The following HDAC4 variants were observed in gnomAD, a reference collection of about 807,000 sequenced individuals.
HDAC4 encodes the protein histone deacetylase A.
Under a neutral mutation model 135.1 loss-of-function variants are expected in HDAC4, and 16 were observed. The observed-to-expected ratio is 0.12, with a 90% CI of 0.08 to 0.18. The LOEUF (loss-of-function observed/expected upper bound fraction) is 0.18, where lower values mean the gene tolerates loss of function less well. Ranked by LOEUF, HDAC4 falls within the 10% of genes least tolerant of loss-of-function variation. The pLI is 1.00. For synonymous variants in HDAC4, 685 were observed against 653.4 expected (o/e 1.05, Z -0.74); for missense variants, 1,143 against 1,511.8 (o/e 0.76, Z 4.05).
intron 2 of HDAC4, among the ~76,000 whole-genome samples, chr2:239,275,765 A>T (rs527737497): frequency 2.0e-5 from 3 of 152,242 alleles, no homozygotes; most frequent in South Asian, 4.1e-4. Context: ...TGATGCAAGA[A>T]GGCAAGATAG....
intron 16 of HDAC4, among the ~76,000 whole-genome samples, chr2:239,096,828 G>A (rs553451858): frequency 6.8e-6 from 1 of 146,158 alleles, no homozygotes; most frequent in Non-Finnish European, 1.5e-5. Context: ...GCACAGAGCT[G>A]ACTCAGGCTC....
At chr2:239,057,179 T>C (rs2031984177) in intron 24 of HDAC4, among the ~76,000 whole-genome samples, 1 of 152,186 alleles carries the variant, frequency 6.6e-6, no homozygotes, top group Non-Finnish European at 1.5e-5. Flanking sequence ...AGGGGGGATA[T>C]GAGGAACTTG....
intron 1 of HDAC4, among the ~76,000 whole-genome samples, chr2:239,394,922 G>A (rs1281106556): frequency 1.3e-5 from 2 of 152,254 alleles, no homozygotes; most frequent in African/African-American, 2.4e-5. Flanking sequence ...AGTAGAAAAG[G>A]TGGCATTAAA....
intron 15 of HDAC4, among the ~76,000 whole-genome samples, chr2:239,104,980 C>T (rs2037990147): frequency 1.3e-5 from 2 of 152,364 alleles, no homozygotes; most frequent in South Asian, 2.1e-4. Flanking sequence ...TGCGCGACAC[C>T]GCAAGGGCTC....
At chr2:239,127,228 T>C (rs2040253513) in intron 11 of HDAC4, among the ~76,000 whole-genome samples, 3 of 152,218 alleles carry the variant, frequency 2.0e-5, no homozygotes, top group African/African-American at 7.2e-5. Context: ...TGCACAAAGA[T>C]GGCGTAAACA....
chr2:239,280,614 C>T (rs539430985), intron 2 of HDAC4, among the ~76,000 whole-genome samples: 17 of 152,160 alleles, frequency 1.1e-4, no homozygotes, highest in East Asian at 5.8e-4. Context: ...CCAGGAGGCT[C>T]GGGGGCCTCT....
chr2:239,304,166 C>T (rs1186463764), intron 2 of HDAC4, among the ~76,000 whole-genome samples: 1 of 152,204 alleles, frequency 6.6e-6, no homozygotes, highest in African/African-American at 2.4e-5. Context: ...GCAGGATATT[C>T]ACAAAGCCCA....
rs1204174254 is a variant in HDAC4, at chr2:239,140,815, T to C, written c.866-1019A>G. The C allele has an allele frequency of 1.1e-5, 4 of 362,452 alleles. No homozygotes were observed. In the Admixed American group the frequency reaches 1.3e-4, roughly 12 times the overall value. 22.5% of individuals were successfully genotyped at this position (362,452 alleles called of 1,614,324 possible). ...CCCCAGCAAAGCCTCCTCCACGGTCTGCTTGCTGCCCGCGTCCTCCTGGAG... is the reference window on the plus strand; with the variant it reads ...CCCCAGCAAAGCCTCCTCCACGGTCCGCTTGCTGCCCGCGTCCTCCTGGAG... On this transcript the variant is annotated intron_variant, in intron 8 of 26. Transcript: ENST00000543185.
chr2:239,273,776 G>C lies in HDAC4; in HGVS notation c.23-37112C>G, dbSNP rs550970456. On this transcript the variant is annotated intron_variant, in intron 2 of 26. Coordinates refer to ENST00000543185, the MANE Select transcript of HDAC4 (RefSeq NM_001378414.1). ...GACAAGCCAAGCTCCCCAACAAATA[G>C]ACTGGAGAGCAAGAGGGAGGAAACG... Among the ~76,000 whole-genome samples the C allele has an allele frequency of 1.1e-4, 17 of 152,320 alleles. No homozygotes were observed. In the East Asian group the frequency reaches 2.7e-3, roughly 24 times the overall value.
At chr2:239,056,166 G>A (rs1227602990) in intron 24 of HDAC4, among the ~76,000 whole-genome samples, 1 of 152,212 alleles carries the variant, frequency 6.6e-6, no homozygotes, top group Non-Finnish European at 1.5e-5. Flanking sequence ...ACCCACAGCA[G>A]GCTTCAAATG....
At position 239,264,205 on chromosome 2, in the gene HDAC4, C is replaced by G. The variant is rs184429136; in HGVS notation, c.23-27541G>C. Among the ~76,000 whole-genome samples the G allele has an allele frequency of 3.3e-3, 500 of 152,294 alleles. 3 individuals carry two copies. Among genetic ancestry groups the G allele is most frequent in the African/African-American group, 0.011 (474 of 41,568 alleles). On this transcript the variant is annotated intron_variant, in intron 2 of 26. Coordinates refer to ENST00000543185, the MANE Select transcript of HDAC4 (RefSeq NM_001378414.1). ...CGGAGTTCCTGCCGCTCGGGGACTC[C>G]CAGCAGGCACAGGCTTCACCTCTTT...
chr2:239,148,210 A>G (rs1479083947), intron 7 of HDAC4, among the ~76,000 whole-genome samples: 1 of 152,210 alleles, frequency 6.6e-6, no homozygotes, highest in Non-Finnish European at 1.5e-5. Flanking sequence ...CTAAAGTGAC[A>G]CCAAAGGAAA....
At chr2:239,269,780 C>G (rs112189035) in intron 2 of HDAC4, among the ~76,000 whole-genome samples, 98 of 152,344 alleles carry the variant, frequency 6.4e-4, no homozygotes, top group African/African-American at 2.3e-3. Context: ...CTTAAAGACA[C>G]AGCAAATCTT....
At chr2:239,222,803 TTC>T (rs775679185) in intron 3 of HDAC4, among the ~76,000 whole-genome samples, 12 of 151,804 alleles carry the variant, frequency 7.9e-5, no homozygotes, top group Non-Finnish European at 1.6e-4. Context: ...GTGATCTCCT[TTC>T]GTCCTCACAG....
intron 19 of HDAC4, among the ~76,000 whole-genome samples, chr2:239,084,788 A>G (rs572337103): frequency 1.7e-4 from 24 of 144,298 alleles, no homozygotes; most frequent in Non-Finnish European, 2.9e-4. Context: ...ACACAGACAC[A>G]CACCCCACAC....
At chr2:239,198,761 C>T (rs1559215237) in intron 3 of HDAC4, among the ~76,000 whole-genome samples, 1 of 152,164 alleles carries the variant, frequency 6.6e-6, no homozygotes, top group African/African-American at 2.4e-5. Context: ...AGCTTATGAC[C>T]TTTCTCTGGA....
intron 3 of HDAC4, among the ~76,000 whole-genome samples, chr2:239,198,263 A>G (rs1174958205): frequency 6.6e-6 from 1 of 152,152 alleles, no homozygotes; most frequent in African/African-American, 2.4e-5. Context: ...GGAGGCACGA[A>G]AACCACCTGC....
intron 21 of HDAC4, 131 bp downstream of exon 21, chr2:239,081,971 G>T: frequency 1.1e-6 from 1 of 926,078 alleles, no homozygotes; most frequent in Non-Finnish European, 1.7e-6. Flanking sequence ...TGAAGTTACT[G>T]TCTGGGCTTA....
intron 3 of HDAC4, among the ~76,000 whole-genome samples, chr2:239,211,617 G>A (rs1409776112): frequency 2.0e-5 from 3 of 152,204 alleles, no homozygotes; most frequent in Non-Finnish European, 2.9e-5. Context: ...TCCAATTCTT[G>A]GGACTTTGTC....
Sources: gnomAD v4.1 joint callset for allele counts (sites outside exome capture counted in the v4.1 genomes callset) on GRCh38, gnomAD v4.1.1 for gene constraint, MANE v1.5 for transcripts, NCBI Gene and HGNC (gene_info 2026-07-23, HGNC 2026-07-21) for gene names.